The following MYLK variants were observed in gnomAD, a reference collection of about 807,000 sequenced individuals.
MYLK encodes the protein myosin light chain kinase, smooth muscle.
Under a neutral mutation model 203.4 loss-of-function variants are expected in MYLK, and 106 were observed. That is an observed-to-expected ratio of 0.52 (90% CI 0.45 to 0.61). MYLK has a LOEUF of 0.61. Ranked by LOEUF, MYLK falls within the 20% of genes least tolerant of loss-of-function variation. MYLK has a pLI of 0.00. For synonymous variants in MYLK, 867 were observed against 959.5 expected, an observed-to-expected ratio of 0.90 and a Z score of 1.78; for missense variants, 2,072 against 2,442.3, an observed-to-expected ratio of 0.85 and a Z score of 3.20.
chr3:123,674,167 A>T (rs1162724746), intron 20 of MYLK, among the ~76,000 whole-genome samples: 1 of 151,714 alleles, frequency 6.6e-6, no homozygotes, highest in Non-Finnish European at 1.5e-5. Flanking sequence ...CTTTTCCCCA[A>T]ACCTGCTCCC....
intron 19 of MYLK, chr3:123,691,325 C>G (rs1271476992): frequency 6.6e-6 from 1 of 152,206 alleles, no homozygotes; most frequent in African/African-American, 2.4e-5. Context: ...TCAGCCACAG[C>G]ATCCACTGTG....
intron 4 of MYLK, among the ~76,000 whole-genome samples, chr3:123,790,902 G>A (rs925506671): frequency 3.3e-5 from 5 of 152,180 alleles, no homozygotes; most frequent in Non-Finnish European, 7.3e-5. Context: ...GAGGTGCTGT[G>A]GGCAGAGGCC....
chr3:123,736,405 A>C (rs1178234554), intron 8 of MYLK, among the ~76,000 whole-genome samples: 1 of 152,186 alleles, frequency 6.6e-6, no homozygotes. Flanking sequence ...ACAAAGAAGG[A>C]GGAAGGACTG....
At chr3:123,615,541 C>T (rs1445427439) in intron 33 of MYLK, among the ~76,000 whole-genome samples, 1 of 152,078 alleles carries the variant, frequency 6.6e-6, no homozygotes, top group Admixed American at 6.5e-5. Flanking sequence ...AGCATGTTGA[C>T]CAGGCTGGTC....
At chr3:123,620,597 T>C (rs1365316014) in intron 31 of MYLK, 5 of 1,271,776 alleles carry the variant, frequency 3.9e-6, no homozygotes, top group Non-Finnish European at 4.0e-6. Context: ...AAGGTCAACA[T>C]GAGACAAAAA....
At chr3:123,741,003 G>A (rs1467174438) in intron 5 of MYLK, among the ~76,000 whole-genome samples, 2 of 152,190 alleles carry the variant, frequency 1.3e-5, no homozygotes, top group Non-Finnish European at 2.9e-5. Context: ...GGTGGGGTGG[G>A]AGGAAGAGGT....
intron 32 of MYLK, 94 bp from the exon 33 acceptor site, chr3:123,618,864 T>A: frequency 1.3e-6 from 2 of 1,540,032 alleles, no homozygotes; most frequent in Admixed American, 1.7e-5. Context: ...AAAGTTGCTA[T>A]GATTTAGCAA....
chr3:123,659,802 A>T, intron 23 of MYLK: 1 of 415,822 alleles, frequency 2.4e-6, no homozygotes, highest in Non-Finnish European at 4.9e-6. Flanking sequence ...GAGACTCCAC[A>T]TTTCCTCTGA....
intron 28 of MYLK, 74 bp from the exon 29 acceptor site, chr3:123,638,268 C>G (rs2058715299): frequency 1.0e-5 from 16 of 1,605,332 alleles, no homozygotes; most frequent in Admixed American, 1.7e-5. Flanking sequence ...CTGCCCGAAT[C>G]TGTGTGTTGA....
chr3:123,737,620 C>T (rs1183822289), intron 7 of MYLK, 77 bp from the exon 8 acceptor site: 3 of 1,583,862 alleles, frequency 1.9e-6, no homozygotes, highest in African/African-American at 2.7e-5. Context: ...TCCTGCCAAT[C>T]CTAGTGGGAT....
Position 123,739,687 on chromosome 3 carries a change from T to C in MYLK, c.422+266A>G, listed in dbSNP as rs77616324. Among the ~76,000 whole-genome samples the C allele has an allele frequency of 2.0e-3, 301 of 152,360 alleles. 7 individuals carry two copies. In the East Asian group the frequency reaches 0.047, roughly 24 times the overall value. ...GGCTTGCTTATTTCAATCTTCTGAC[T>C]ATTGCCTTGATTGTTAGAGTCCACT... On this transcript the variant is annotated intron_variant, in intron 6 of 33. Coordinates refer to ENST00000360304, the MANE Select transcript of MYLK (RefSeq NM_053025.4).
chr3:123,681,249 G>A (rs2060253199), intron 20 of MYLK: 1 of 152,216 alleles, frequency 6.6e-6, no homozygotes, highest in Non-Finnish European at 1.5e-5. Flanking sequence ...GGGCTACGGG[G>A]AAGCTGAGAT....
chr3:123,774,213 T>C (rs1178661949), intron 4 of MYLK, among the ~76,000 whole-genome samples: 1 of 152,212 alleles, frequency 6.6e-6, no homozygotes, highest in African/African-American at 2.4e-5. Flanking sequence ...AATATTCTCT[T>C]AACTCATAAA....
intron 2 of MYLK, among the ~76,000 whole-genome samples, chr3:123,842,413 A>G (rs2066616234): frequency 6.6e-6 from 1 of 152,168 alleles, no homozygotes; most frequent in Non-Finnish European, 1.5e-5. Context: ...ATTCTGCTCA[A>G]TTTAATCCAA....
intron 2 of MYLK, among the ~76,000 whole-genome samples, chr3:123,865,037 C>T (rs567700475): frequency 2.6e-5 from 4 of 152,284 alleles, no homozygotes; most frequent in East Asian, 1.9e-4. Flanking sequence ...TGGTTACATA[C>T]CTGGATTTCA....
intron 2 of MYLK, among the ~76,000 whole-genome samples, chr3:123,844,629 A>G (rs2066667866): frequency 6.6e-6 from 1 of 152,102 alleles, no homozygotes. Flanking sequence ...ATAAAGACGG[A>G]GGGGCAGGCA....
intron 11 of MYLK, among the ~76,000 whole-genome samples, chr3:123,731,580 T>A (rs1196805217): frequency 2.0e-5 from 3 of 152,124 alleles, no homozygotes; most frequent in Non-Finnish European, 4.4e-5. Context: ...ATTTTGAAAA[T>A]TTTCAAACAC....
At chr3:123,634,252 A>T (rs1325137026) in intron 29 of MYLK, among the ~76,000 whole-genome samples, 1 of 152,060 alleles carries the variant, frequency 6.6e-6, no homozygotes, top group East Asian at 1.9e-4. Flanking sequence ...GGGCTTGGAG[A>T]GGGAACAGGG....
chr3:123,788,157 A>G (rs1167877382), intron 4 of MYLK, among the ~76,000 whole-genome samples: 2 of 152,234 alleles, frequency 1.3e-5, no homozygotes, highest in African/African-American at 4.8e-5. Context: ...GGAAGGGCAG[A>G]AATCAGAGCA....
Sources: allele counts gnomAD v4.1 joint callset (sites outside exome capture counted in the v4.1 genomes callset), GRCh38; gene constraint gnomAD v4.1.1; transcripts MANE v1.5; gene names NCBI Gene and HGNC (gene_info 2026-07-23, HGNC 2026-07-21).